TTC7A: variants seen among roughly 807,000 people sequenced by gnomAD.
TTC7A encodes tetratricopeptide repeat protein 7A.
A neutral mutation model predicts 103.7 loss-of-function variants in TTC7A; 110 were observed. The ratio of observed to expected loss-of-function variants is 1.06; its 90% confidence interval spans 0.91 to 1.24. TTC7A has a LOEUF of 1.24. TTC7A is among the 50% of genes most tolerant of loss of function. The probability of loss-of-function intolerance (pLI) is 0.00; values close to 1 mark genes in which losing one functional copy is unlikely to be tolerated. For missense variants in TTC7A, 1,340 were observed against 1,116.3 expected (o/e 1.20, Z -2.86); for synonymous variants, 521 against 467.9 (o/e 1.11, Z -1.47).
At chr2:47,069,249 T>A (rs193198373) in intron 19 of TTC7A, among the ~76,000 whole-genome samples, 2 of 151,996 alleles carry the variant, frequency 1.3e-5, no homozygotes, top group South Asian at 4.2e-4. Context: ...TGGAGGTTCG[T>A]CAGGCTGCAG....
intron 19 of TTC7A, chr2:47,067,868 G>A (rs1330239225): frequency 6.6e-6 from 1 of 152,240 alleles, no homozygotes. Context: ...TCTCGGGGGG[G>A]AGTGGAAACC....
intron 3 of TTC7A, among the ~76,000 whole-genome samples, chr2:46,959,976 A>G (rs1558510357): frequency 6.6e-6 from 1 of 152,218 alleles, no homozygotes. Context: ...TTCCCCCACT[A>G]AGATAGAAAA....
intron 5 of TTC7A, among the ~76,000 whole-genome samples, chr2:46,984,352 T>C (rs1238037505): frequency 6.6e-6 from 1 of 152,162 alleles, no homozygotes; most frequent in East Asian, 1.9e-4. Flanking sequence ...GAAGTAAGGG[T>C]GAGGCCCTGG....
At position 47,073,822 on chromosome 2, in the gene TTC7A, C is replaced by A; in HGVS notation, c.2476C>A (p.Gln826Lys). 1 of 1,613,734 alleles carries A rather than the reference C, an allele frequency of 6.2e-7. No individual in the cohort carries two copies. Residue 826 changes from glutamine to lysine, a missense_variant, in exon 20 of 20, where the codon CAG (glutamine) becomes AAG (lysine). Gln to Lys is a moderately conservative substitution (Grantham distance 53). Transcript: ENST00000319190. ...WQGLGEVLQA[Q>K]GQNEAAVDCF... Reference sequence around the variant, plus strand: ...GGGCCTGGGCGAGGTGCTGCAGGCCCAGGGCCAGAACGAGGCTGCCGTTGA... The same window carrying A: ...GGGCCTGGGCGAGGTGCTGCAGGCCAAGGGCCAGAACGAGGCTGCCGTTGA...
intron 18 of TTC7A, among the ~76,000 whole-genome samples, chr2:47,056,053 G>A (rs946735515): frequency 1.3e-5 from 2 of 152,160 alleles, no homozygotes; most frequent in Non-Finnish European, 2.9e-5. Flanking sequence ...TCTCAGGACA[G>A]GCCCATGCAG....
intron 2 of TTC7A, among the ~76,000 whole-genome samples, chr2:46,919,361 C>A (rs1026133888): frequency 6.6e-6 from 1 of 152,164 alleles, no homozygotes; most frequent in Admixed American, 6.6e-5. Context: ...TGGTGAAACC[C>A]TGTCTCTACT....
intron 8 of TTC7A, among the ~76,000 whole-genome samples, chr2:47,001,859 CAAAAAAAAAA>C (rs397871545): frequency 4.4e-5 from 4 of 90,480 alleles, no homozygotes; most frequent in Non-Finnish European, 2.5e-5. Flanking sequence ...GACTCTGTCT[CAAAAAAAAAA>C]AAAAAAAAAA....
intron 18 of TTC7A, among the ~76,000 whole-genome samples, chr2:47,057,032 G>A (rs891004336): frequency 1.3e-5 from 2 of 152,200 alleles, no homozygotes; most frequent in Admixed American, 6.5e-5. Flanking sequence ...TGGCAGCCAC[G>A]GCCAGGCTGG....
intron 15 of TTC7A, chr2:47,035,132 C>G (rs920485764): frequency 1.3e-5 from 2 of 152,126 alleles, no homozygotes; most frequent in African/African-American, 4.8e-5. Flanking sequence ...TTCCAATGAG[C>G]AGGGGGGATG....
At chr2:46,919,690 A>C (rs1302968299) in intron 2 of TTC7A, among the ~76,000 whole-genome samples, 2 of 152,200 alleles carry the variant, frequency 1.3e-5, no homozygotes, top group Non-Finnish European at 2.9e-5. Flanking sequence ...TAATCTCTGA[A>C]CCCTGGAATT....
intron 3 of TTC7A, among the ~76,000 whole-genome samples, chr2:46,972,800 G>T (rs888497844): frequency 6.6e-6 from 1 of 152,220 alleles, no homozygotes; most frequent in African/African-American, 2.4e-5. Context: ...ACTATGTGAG[G>T]TGCTGTTCTA....
intron 15 of TTC7A, among the ~76,000 whole-genome samples, chr2:47,041,934 T>C (rs972157954): frequency 6.6e-6 from 1 of 151,994 alleles, no homozygotes; most frequent in African/African-American, 2.4e-5. Flanking sequence ...AAAAAACGTA[T>C]TTAATTATAT....
chr2:47,059,463 C>G (rs1166832085), intron 18 of TTC7A, among the ~76,000 whole-genome samples: 2 of 152,148 alleles, frequency 1.3e-5, no homozygotes, highest in South Asian at 4.1e-4. Flanking sequence ...GTAGCTGTTA[C>G]CAACACTGCC....
At chr2:47,035,629 GGGAA>G (rs1275674006) in intron 15 of TTC7A, 1 of 152,198 alleles carries the variant, frequency 6.6e-6, no homozygotes, top group Non-Finnish European at 1.5e-5. Context: ...TGTTTGTCTG[GGGAA>G]GAGAGGAAAG....
At chr2:46,930,775 C>G (rs1227830333) in intron 2 of TTC7A, among the ~76,000 whole-genome samples, 3 of 152,174 alleles carry the variant, frequency 2.0e-5, no homozygotes, top group Non-Finnish European at 4.4e-5. Context: ...GCAGGGATTA[C>G]AGGCGTGAGC....
intron 2 of TTC7A, 146 bp downstream of exon 2, chr2:46,950,672 A>G: frequency 1.2e-6 from 1 of 803,424 alleles, no homozygotes; most frequent in Non-Finnish European, 1.9e-6. Context: ...CACTGGCTGC[A>G]CATGGCCCCT....
chr2:47,074,138 A>C lies in TTC7A; in HGVS notation c.*215A>C, dbSNP rs971757804. 5.2e-6 allele frequency: 3 copies of C among 581,996 alleles called. No homozygotes were observed. In the Admixed American group the frequency reaches 9.2e-5, roughly 18 times the overall value. 36.1% of individuals were successfully genotyped at this position (581,996 alleles called of 1,614,324 possible). A position where few individuals can be genotyped will look rare whatever the true frequency, so the allele number is the denominator to read the frequency against. On this transcript the variant is annotated 3_prime_UTR_variant, in exon 20 of 20. Transcript: ENST00000319190. ...TGCCTTGGGAAACAGTCTGACTTGA[A>C]CCCTAAGTGCCTTTGGAGAGTTTTG...
At position 47,060,865 on chromosome 2, in the gene TTC7A, T is replaced by G. The variant is rs1490244208; in HGVS notation, c.2249T>G (p.Met750Arg). 2 of 1,614,056 alleles carry G rather than the reference T, an allele frequency of 1.2e-6. No individual in the cohort carries two copies. Among genetic ancestry groups the G allele is most frequent in the East Asian group, 2.2e-5 (1 of 44,888 alleles). The change falls in exon 19 of 20, where the codon ATG becomes AGG. Residue 750 changes from methionine (M) to arginine (R), a missense_variant. Physicochemically the swap from Met to Arg is moderately conservative, Grantham distance 91. Coordinates refer to ENST00000319190, the MANE Select transcript of TTC7A (RefSeq NM_020458.4). The stretch of plus-strand genomic sequence containing the variant: ...CCCACTTCTCACTCAGTACTCTATA[T>G]GCGGGGCCGGCTGGCTGAGGTGAAG... The part of the protein sequence containing the change: ...LFPTSHSVLY[M>R]RGRLAEVKGN...
At chr2:47,065,103 C>G (rs931537236) in intron 19 of TTC7A, among the ~76,000 whole-genome samples, 9 of 151,992 alleles carry the variant, frequency 5.9e-5, no homozygotes, top group African/African-American at 2.2e-4. Flanking sequence ...CTGGCTAACA[C>G]GGTGAAACCC....
Sources: gnomAD v4.1 joint callset for allele counts (sites outside exome capture counted in the v4.1 genomes callset) on GRCh38, gnomAD v4.1.1 for gene constraint, MANE v1.5 for transcripts, NCBI Gene and HGNC (gene_info 2026-07-23, HGNC 2026-07-21) for gene names.